Variants in VWC2 observed in about 807,000 individuals in gnomAD.
VWC2 encodes brorin.
Under a neutral mutation model 29.8 loss-of-function variants are expected in VWC2, and 14 were observed. The ratio of observed to expected loss-of-function variants is 0.47; its 90% CI spans 0.31 to 0.74. The LOEUF is 0.74. VWC2 is among the 30% of genes least tolerant of loss of function. VWC2 has a pLI of 0.05. For missense variants in VWC2, 457 were observed against 459.8 expected, an observed-to-expected ratio of 0.99 and a Z score of 0.05; for synonymous variants, 213 against 199.0, an observed-to-expected ratio of 1.07 and a Z score of -0.59.
At chr7:49,863,995 T>G (rs980860604) in intron 3 of VWC2, among the ~76,000 whole-genome samples, 7 of 152,214 alleles carry the variant, frequency 4.6e-5, no homozygotes, top group African/African-American at 1.7e-4. Context: ...CCCTTTAGTT[T>G]TGCAAAAATC....
At chr7:49,801,395 C>T (rs892717991) in intron 2 of VWC2, among the ~76,000 whole-genome samples, 7 of 152,192 alleles carry the variant, frequency 4.6e-5, no homozygotes, top group Admixed American at 6.5e-5. Flanking sequence ...CCCAGTTTTG[C>T]TTCTGATGGC....
chr7:49,847,917 A>G (rs905847065), intron 3 of VWC2, among the ~76,000 whole-genome samples: 1 of 152,166 alleles, frequency 6.6e-6, no homozygotes, highest in East Asian at 1.9e-4. Flanking sequence ...GTGGTTTACT[A>G]TCTCCTGGAA....
chr7:49,840,803 G>T (rs1159372408), intron 3 of VWC2, among the ~76,000 whole-genome samples: 1 of 152,090 alleles, frequency 6.6e-6, no homozygotes, highest in Non-Finnish European at 1.5e-5. Flanking sequence ...CGTATTTCAG[G>T]TTCGCAGTGA....
intron 1 of VWC2, 69 bp downstream of exon 1, chr7:49,774,182 G>C (rs1417436104): frequency 2.6e-5 from 4 of 152,662 alleles, no homozygotes; most frequent in Non-Finnish European, 5.8e-5. Flanking sequence ...GGCCGGACGC[G>C]CTCCAGCTGG....
intron 3 of VWC2, among the ~76,000 whole-genome samples, chr7:49,840,043 A>C (rs1249158755): frequency 6.6e-6 from 1 of 152,166 alleles, no homozygotes; most frequent in Non-Finnish European, 1.5e-5. Context: ...CCTCATGGAC[A>C]ACCCTGGCCC....
intron 3 of VWC2, among the ~76,000 whole-genome samples, chr7:49,855,240 CA>C (rs1252106435): frequency 1.3e-5 from 2 of 152,152 alleles, no homozygotes; most frequent in Admixed American, 1.3e-4. Flanking sequence ...ATATGTTTTA[CA>C]ATAAATGGTT....
chr7:49,890,147 T>A (rs1382305724), intron 3 of VWC2, among the ~76,000 whole-genome samples: 2 of 152,212 alleles, frequency 1.3e-5, no homozygotes, highest in Non-Finnish European at 2.9e-5. Flanking sequence ...TTAACACAGA[T>A]GAAGCAGAGC....
At chr7:49,818,564 C>T (rs1196180148) in intron 3 of VWC2, among the ~76,000 whole-genome samples, 1 of 151,922 alleles carries the variant, frequency 6.6e-6, no homozygotes, top group African/African-American at 2.4e-5. Flanking sequence ...AACAGAGCAA[C>T]ATCCAATCTG....
intron 3 of VWC2, among the ~76,000 whole-genome samples, chr7:49,910,976 T>A (rs1793382009): frequency 6.6e-6 from 1 of 152,204 alleles, no homozygotes; most frequent in South Asian, 2.1e-4. Context: ...AAAGCTGCCC[T>A]CGGAGGCCTG....
At chr7:49,799,058 C>G (rs1027089138) in intron 2 of VWC2, among the ~76,000 whole-genome samples, 8 of 152,148 alleles carry the variant, frequency 5.3e-5, no homozygotes, top group Non-Finnish European at 1.2e-4. Flanking sequence ...GGAGTGGGCT[C>G]AGGGGGTTGG....
At position 49,843,333 on chromosome 7, in the gene VWC2, A is replaced by G. The variant is rs1317131031; in HGVS notation, c.826+40493A>G. Among the ~76,000 whole-genome samples, 7 of 152,120 alleles carry G rather than the reference A, an allele frequency of 4.6e-5. No individual in the cohort carries two copies. In the East Asian group the frequency reaches 1.3e-3, roughly 29 times the overall value. The stretch of plus-strand genomic sequence containing the variant: ...CTCCAGGAACATAAAGCTCTCAGAA[A>G]CATCAGATGTGAAAAATCTCCCAAG... On this transcript the variant is annotated intron_variant, in intron 3 of 3. Coordinates refer to ENST00000340652, the MANE Select transcript of VWC2 (RefSeq NM_198570.5).
At chr7:49,857,819 T>G (rs1790485483) in intron 3 of VWC2, among the ~76,000 whole-genome samples, 1 of 152,186 alleles carries the variant, frequency 6.6e-6, no homozygotes, top group African/African-American at 2.4e-5. Context: ...AAAAAGTGAA[T>G]CAGAGCTTCA....
intron 3 of VWC2, among the ~76,000 whole-genome samples, chr7:49,877,450 G>C: frequency 2.7e-5 from 1 of 37,416 alleles, no homozygotes; most frequent in Non-Finnish European, 5.1e-5. Context: ...CAACAAGTAA[G>C]AAACTCTGTC....
At chr7:49,802,931 T>C in intron 3 of VWC2, 91 bp downstream of exon 3, 1 of 1,542,198 alleles carries the variant, frequency 6.5e-7, no homozygotes. Flanking sequence ...CACATACGGA[T>C]ACGTGAGTTT....
At position 49,921,812 on chromosome 7, in the gene VWC2, T is replaced by G. The variant is rs890544098; in HGVS notation, c.*9627T>G. 1 of 152,204 alleles carries G rather than the reference T, an allele frequency of 6.6e-6. No homozygotes were observed. Among genetic ancestry groups the G allele is most frequent in the Admixed American group, 6.5e-5 (1 of 15,278 alleles). The allele number at this position is 152,204 out of a possible 1,614,324, so 9.4% of individuals were successfully genotyped here. Reference sequence around the variant, plus strand: ...TCTTAGTTTTTATCCCATTTATATATATATTTACCAGAAAAATGTTTTGTA... The same window carrying G: ...TCTTAGTTTTTATCCCATTTATATAGATATTTACCAGAAAAATGTTTTGTA... On this transcript the variant is annotated 3_prime_UTR_variant, in exon 4 of 4. Transcript: ENST00000340652.
At chr7:49,852,574 T>C (rs1382858151) in intron 3 of VWC2, among the ~76,000 whole-genome samples, 1 of 152,120 alleles carries the variant, frequency 6.6e-6, no homozygotes, top group Non-Finnish European at 1.5e-5. Flanking sequence ...TTTAGTGGTT[T>C]TTCCTGTTTC....
chr7:49,860,492 CA>C (rs1350156587), intron 3 of VWC2, among the ~76,000 whole-genome samples: 1 of 152,186 alleles, frequency 6.6e-6, no homozygotes, highest in Non-Finnish European at 1.5e-5. Context: ...TTTGTTGCTC[CA>C]TTCATCTCTT....
intron 3 of VWC2, among the ~76,000 whole-genome samples, chr7:49,895,970 T>C (rs1234263980): frequency 6.6e-6 from 1 of 152,170 alleles, no homozygotes; most frequent in Non-Finnish European, 1.5e-5. Flanking sequence ...CAGGTAGTCA[T>C]GAGTGATATA....
chr7:49,890,114 C>T lies in VWC2; in HGVS notation c.827-21920C>T, dbSNP rs10250813. Among the ~76,000 whole-genome samples, 697 of 152,302 alleles carry T rather than the reference C, an allele frequency of 4.6e-3. 4 individuals are homozygous for T. The highest frequency in any genetic ancestry group is 0.016 in the African/African-American group (660 of 41,558). On this transcript the variant is annotated intron_variant, in intron 3 of 3. Transcript: ENST00000340652. ...CACCTCACATTTAACACCCATACAT[C>T]TCCTTTAGGAACAGAGGGAATATTA...
Sources: allele counts gnomAD v4.1 joint callset (sites outside exome capture counted in the v4.1 genomes callset), GRCh38; gene constraint gnomAD v4.1.1; transcripts MANE v1.5; gene names NCBI Gene and HGNC (gene_info 2026-07-23, HGNC 2026-07-21).